The following FMN2 variants were observed in gnomAD, a reference collection of about 807,000 sequenced individuals.
FMN2 encodes formin 2, also known as formin-2.
In FMN2, 51 loss-of-function variants were observed where a neutral mutation model predicts 142.3. The observed-to-expected ratio is 0.36, with a 90% CI of 0.29 to 0.45. FMN2 has a LOEUF of 0.45. Ranked by LOEUF, FMN2 falls within the 20% of genes least tolerant of loss-of-function variation. The pLI is 1.00. For synonymous variants in FMN2, 882 were observed against 869.8 expected, an observed-to-expected ratio of 1.01 and a Z score of -0.25; for missense variants, 1,936 against 2,122.8, an observed-to-expected ratio of 0.91 and a Z score of 1.73.
At chr1:240,116,185 C>T (rs61830660) in intron 1 of FMN2, among the ~76,000 whole-genome samples, 51 of 152,222 alleles carry the variant, frequency 3.4e-4, no homozygotes, top group Non-Finnish European at 5.7e-4. Context: ...TCTTTGTGAC[C>T]TGTATCTCAG....
intron 8 of FMN2, 142 bp from the exon 9 acceptor site, chr1:240,328,934 C>G: frequency 1.4e-6 from 1 of 738,448 alleles, no homozygotes; most frequent in Non-Finnish European, 2.2e-6. Context: ...TCAAGCTTTA[C>G]TATATACAGA....
intron 7 of FMN2, among the ~76,000 whole-genome samples, chr1:240,275,498 G>A (rs1669173190): frequency 6.6e-6 from 1 of 151,882 alleles, no homozygotes; most frequent in Non-Finnish European, 1.5e-5. Flanking sequence ...TCATTGATGG[G>A]CATTTGGGTT....
At chr1:240,149,987 T>C (rs915658155) in intron 2 of FMN2, among the ~76,000 whole-genome samples, 5 of 152,342 alleles carry the variant, frequency 3.3e-5, no homozygotes, top group Middle Eastern at 6.8e-3. Flanking sequence ...CAATCTGATA[T>C]GTATAAATGC....
chr1:240,387,798 T>C (rs1431498138), intron 14 of FMN2, among the ~76,000 whole-genome samples: 1 of 152,140 alleles, frequency 6.6e-6, no homozygotes, highest in Non-Finnish European at 1.5e-5. Flanking sequence ...CCATCCTACT[T>C]TGTAGTAATA....
At position 240,207,866 on chromosome 1, in the gene FMN2, C is replaced by A. The variant is rs772746682; in HGVS notation, c.3054C>A (p.Gly1018=). The part of the protein sequence containing the change: ...IPPPPPLPGA[G]IPPPPPLPGA... ...CTCCTCCCCCTCTTCCCGGAGCGGG[C>A]ATACCTCCTCCACCCCCTCTACCCG... The change falls in exon 5 of 18, where the codon GGC becomes GGA. Residue 1018 remains glycine (G), a synonymous_variant. Transcript: ENST00000319653. 5.9e-4 allele frequency: 171 copies of A among 291,924 alleles called. 4 individuals carry two copies. Among genetic ancestry groups the A allele is most frequent in the East Asian group, 3.4e-3 (31 of 9,060 alleles). 18.1% of individuals were successfully genotyped at this position (291,924 alleles called of 1,614,324 possible).
chr1:240,171,242 C>G, intron 2 of FMN2: 2 of 768,516 alleles, frequency 2.6e-6, no homozygotes, highest in Non-Finnish European at 4.8e-6. Context: ...ATTAACAAAG[C>G]CTTTGAACTG....
chr1:240,249,593 G>A (rs1668208677), intron 6 of FMN2, among the ~76,000 whole-genome samples: 1 of 152,000 alleles, frequency 6.6e-6, no homozygotes, highest in Non-Finnish European at 1.5e-5. Flanking sequence ...ATTCAGGTTT[G>A]TTTTTGGCTC....
chr1:240,406,583 T>C (rs1414882499), intron 15 of FMN2, among the ~76,000 whole-genome samples: 1 of 152,190 alleles, frequency 6.6e-6, no homozygotes, highest in Non-Finnish European at 1.5e-5. Flanking sequence ...ATGAGGGCAA[T>C]GGAACGGTGC....
chr1:240,466,608 A>G (rs1676625678), intron 16 of FMN2, among the ~76,000 whole-genome samples: 1 of 152,196 alleles, frequency 6.6e-6, no homozygotes, highest in Admixed American at 6.5e-5. Flanking sequence ...GTAGCATCAC[A>G]AACTCTGTCA....
At chr1:240,468,470 G>A (rs1051718380) in intron 16 of FMN2, among the ~76,000 whole-genome samples, 2 of 152,062 alleles carry the variant, frequency 1.3e-5, no homozygotes, top group African/African-American at 2.4e-5. Context: ...CTTCAGCCCC[G>A]CTCTGGTTTC....
chr1:240,148,209 GAGAGACAGAGAC>G (rs933571832), intron 2 of FMN2, among the ~76,000 whole-genome samples: 6 of 138,028 alleles, frequency 4.3e-5, no homozygotes, highest in East Asian at 2.1e-4. Context: ...GACAGAGAGA[GAGAGACAGAGAC>G]AGAGAGACAG....
chr1:240,206,859 A>C lies in FMN2; in HGVS notation c.2047A>C (p.Ile683Leu). ...TGTAATTCAGCAGCTGGAACAGACT[A>C]TTGAGGATCTGAGAACCAAAATAGC... ...ATVIQQLEQT[I>L]EDLRTKIAEL... Residue 683 changes from isoleucine to leucine, a missense_variant, in exon 5 of 18, where the codon ATT becomes CTT. This residue lies in a region of FMN2 where 478 missense variants were observed against 462.8 expected (regional missense o/e 1.03). Transcript: ENST00000319653. 3.1e-6 allele frequency: 5 copies of C among 1,614,184 alleles called. No homozygotes were observed. Among genetic ancestry groups the C allele is most frequent in the Non-Finnish European group, 4.2e-6 (5 of 1,180,008 alleles).
intron 14 of FMN2, among the ~76,000 whole-genome samples, chr1:240,381,605 T>G (rs1364337309): frequency 1.3e-5 from 2 of 152,142 alleles, no homozygotes; most frequent in Non-Finnish European, 2.9e-5. Flanking sequence ...AATTTTTGTA[T>G]TTTTAGTAGA....
At chr1:240,225,206 A>G (rs1020849740) in intron 6 of FMN2, among the ~76,000 whole-genome samples, 2 of 152,166 alleles carry the variant, frequency 1.3e-5, no homozygotes, top group African/African-American at 4.8e-5. Context: ...GTACATACCC[A>G]AGGCTGTACC....
At chr1:240,248,432 G>GAT (rs36215850) in intron 6 of FMN2, among the ~76,000 whole-genome samples, 11,120 of 142,122 alleles carry the variant, frequency 0.078, 415 homozygotes, top group Non-Finnish European at 0.097. Flanking sequence ...CATGTGATTG[G>GAT]ATATATATAT....
intron 16 of FMN2, among the ~76,000 whole-genome samples, chr1:240,439,653 A>C (rs1255306786): frequency 6.6e-6 from 1 of 152,230 alleles, no homozygotes; most frequent in Non-Finnish European, 1.5e-5. Context: ...CAAATGCATC[A>C]GTAACGTAAA....
chr1:240,468,581 A>G (rs944708706), intron 16 of FMN2, among the ~76,000 whole-genome samples: 7 of 152,176 alleles, frequency 4.6e-5, no homozygotes, highest in African/African-American at 1.7e-4. Flanking sequence ...CAAACAGGAC[A>G]TATTGGTCAT....
chr1:240,428,118 A>G (rs959338921), intron 15 of FMN2, among the ~76,000 whole-genome samples: 1 of 152,174 alleles, frequency 6.6e-6, no homozygotes, highest in African/African-American at 2.4e-5. Flanking sequence ...TCCACCAAAA[A>G]TGAAGAAATC....
chr1:240,352,703 G>A (rs185811388), intron 13 of FMN2, among the ~76,000 whole-genome samples: 1 of 152,324 alleles, frequency 6.6e-6, no homozygotes, highest in Admixed American at 6.5e-5. Context: ...TTTCTTTTAA[G>A]TGATGTAACT....
Sources: allele counts gnomAD v4.1 joint callset (sites outside exome capture counted in the v4.1 genomes callset), GRCh38; gene constraint gnomAD v4.1.1; regional missense constraint gnomAD v4.1.1; transcripts MANE v1.5; gene names NCBI Gene and HGNC (gene_info 2026-07-23, HGNC 2026-07-21).